The following PRKCQ variants were observed in gnomAD, a reference collection of about 807,000 sequenced individuals.
PRKCQ encodes protein kinase C theta.
In PRKCQ, 41 loss-of-function variants were observed where a neutral mutation model predicts 91.2. The ratio of observed to expected loss-of-function variants is 0.45; its 90% CI spans 0.35 to 0.58. The LOEUF (loss-of-function observed/expected upper bound fraction) is 0.58. Among genes scored for constraint, PRKCQ ranks in the 20% least tolerant of loss-of-function variants. PRKCQ has a pLI of 0.00. For synonymous variants in PRKCQ, 307 were observed against 316.9 expected (o/e 0.97, Z 0.33); for missense variants, 673 against 896.5 (o/e 0.75, Z 3.18).
At chr10:6,561,794 C>T (rs961985997) in intron 1 of PRKCQ, among the ~76,000 whole-genome samples, 11 of 152,056 alleles carry the variant, frequency 7.2e-5, no homozygotes, top group Non-Finnish European at 1.3e-4. Context: ...GTCGTCAGTA[C>T]GTATGTGTGT....
Position 6,579,855 on chromosome 10 carries a change from T to TTTTTTA in PRKCQ, c.-10+355_-10+356insTAAAAA, listed in dbSNP as rs1491546350. Among the ~76,000 whole-genome samples, 135 of 138,498 alleles carry TTTTTTA rather than the reference T, an allele frequency of 9.7e-4. 6 individuals carry two copies. The South Asian group carries it at 0.017, about 17-fold the overall frequency. 90.9% of individuals were successfully genotyped at this position (138,498 alleles called of 152,430 possible). ...CTCACGCATTTTTTTTTTTTTTTTTTACCAAGAATACAAAAACTTTCCACC... is the reference window on the plus strand; with the variant it reads ...CTCACGCATTTTTTTTTTTTTTTTTTTTTTTAACCAAGAATACAAAAACTTTCCACC... On this transcript the variant is annotated intron_variant, in intron 1 of 17. Coordinates refer to ENST00000263125, the MANE Select transcript of PRKCQ (RefSeq NM_006257.5).
chr10:6,448,284 G>A (rs1021865682), intron 15 of PRKCQ, among the ~76,000 whole-genome samples: 1 of 152,216 alleles, frequency 6.6e-6, no homozygotes, highest in Non-Finnish European at 1.5e-5. Flanking sequence ...ACAGGGAAGG[G>A]AACAGCAGGT....
intron 1 of PRKCQ, among the ~76,000 whole-genome samples, chr10:6,522,720 G>A (rs912756700): frequency 1.3e-5 from 2 of 152,204 alleles, no homozygotes; most frequent in African/African-American, 4.8e-5. Context: ...AGTGTTGGGG[G>A]AGAGTCTCAC....
chr10:6,438,217 G>A (rs1186269422), intron 16 of PRKCQ, among the ~76,000 whole-genome samples: 1 of 152,220 alleles, frequency 6.6e-6, no homozygotes, highest in Admixed American at 6.5e-5. Flanking sequence ...TCAAGATCTT[G>A]ATTTTCCAGG....
At chr10:6,507,660 C>T (rs762574748) in intron 3 of PRKCQ, among the ~76,000 whole-genome samples, 164 bp from the exon 4 acceptor site, 3 of 152,202 alleles carry the variant, frequency 2.0e-5, no homozygotes, top group Non-Finnish European at 2.9e-5. Flanking sequence ...CTGTAGCAAC[C>T]GTGACAATCG....
At chr10:6,566,002 G>C (rs1216707715) in intron 1 of PRKCQ, among the ~76,000 whole-genome samples, 1 of 152,144 alleles carries the variant, frequency 6.6e-6, no homozygotes, top group African/African-American at 2.4e-5. Flanking sequence ...CCCATTCTTA[G>C]AGGGAGATTT....
At chr10:6,513,755 T>C (rs1838611769) in intron 2 of PRKCQ, among the ~76,000 whole-genome samples, 3 of 152,178 alleles carry the variant, frequency 2.0e-5, no homozygotes, top group Admixed American at 2.0e-4. Context: ...AAAAGGCTTT[T>C]GGTGGGGGAT....
chr10:6,498,947 G>A (rs1837763571), intron 4 of PRKCQ, among the ~76,000 whole-genome samples: 1 of 152,176 alleles, frequency 6.6e-6, no homozygotes, highest in African/African-American at 2.4e-5. Context: ...AGTGGCAAAG[G>A]CTTTCCTGTC....
intron 2 of PRKCQ, among the ~76,000 whole-genome samples, chr10:6,513,908 A>T (rs1166075427): frequency 2.0e-5 from 3 of 152,024 alleles, no homozygotes; most frequent in Non-Finnish European, 2.9e-5. Context: ...ATAAAATAAC[A>T]CACATCCCTG....
chr10:6,404,881 TTTTC>T, the PRKCQ span, among the ~76,000 whole-genome samples: 6 of 149,256 alleles, frequency 4.0e-5, no homozygotes, highest in East Asian at 2.0e-4. Context: ...TTCTTTCCTT[TTTTC>T]TTTCTTTCTC....
chr10:6,442,025 G>A lies in PRKCQ; in HGVS notation c.1704C>T (p.Leu568=), dbSNP rs748413384. 1.2e-6 allele frequency: 2 copies of A among 1,614,104 alleles called. No homozygotes were observed. Among genetic ancestry groups the A allele is most frequent in the East Asian group, 4.5e-5 (2 of 44,866 alleles). Residue 568 remains leucine, a synonymous_variant, in exon 16 of 18, where the codon CTC becomes CTT. Transcript: ENST00000263125. ...ACTGACCAATCAGCATTTCATAAAGGAGAACCCCGAAGGACCACCAGTCCA... is the reference window on the plus strand; with the variant it reads ...ACTGACCAATCAGCATTTCATAAAGAAGAACCCCGAAGGACCACCAGTCCA... ...HSVDWWSFGV[L]LYEMLIGQSP... is the part of the protein sequence containing the mutation.
At chr10:6,468,039 T>C (rs150284409) in intron 12 of PRKCQ, among the ~76,000 whole-genome samples, 112 of 152,314 alleles carry the variant, frequency 7.4e-4, no homozygotes, top group African/African-American at 2.6e-3. Context: ...AGACCCTGTC[T>C]TAAAAAAAAT....
At chr10:6,515,423 T>G in intron 1 of PRKCQ, 1 of 985,414 alleles carries the variant, frequency 1.0e-6, no homozygotes, top group Non-Finnish European at 1.2e-6. Flanking sequence ...TTCAACCTAA[T>G]GGAGTTAGGC....
At chr10:6,396,561 C>A in the PRKCQ span, among the ~76,000 whole-genome samples, 2 of 152,212 alleles carry the variant, frequency 1.3e-5, no homozygotes, top group Admixed American at 6.5e-5. Context: ...CTTGCTTCTT[C>A]CAGTTAGCTT....
intron 15 of PRKCQ, among the ~76,000 whole-genome samples, chr10:6,456,138 T>G (rs1360152276): frequency 2.0e-5 from 3 of 152,134 alleles, no homozygotes; most frequent in East Asian, 1.9e-4. Context: ...CAGCAGTGTC[T>G]TCTTCTTATT....
downstream of PRKCQ, among the ~76,000 whole-genome samples, chr10:6,422,289 A>G (rs1230908794): frequency 1.3e-5 from 2 of 151,754 alleles, no homozygotes; most frequent in Non-Finnish European, 2.9e-5. Flanking sequence ...TATTGTCCTT[A>G]TTTTATTTTA....
chr10:6,467,335 CAG>C (rs1173010895), intron 12 of PRKCQ, among the ~76,000 whole-genome samples: 129 of 103,144 alleles, frequency 1.3e-3, no homozygotes, highest in Admixed American at 1.3e-3. Context: ...GAGAGACAGA[CAG>C]AGAGAGAGAG....
chr10:6,414,732 T>C, the PRKCQ span, among the ~76,000 whole-genome samples: 1 of 151,680 alleles, frequency 6.6e-6, no homozygotes, highest in Non-Finnish European at 1.5e-5. Flanking sequence ...ATGTAAAGAT[T>C]TGTACATCTG....
At chr10:6,472,176 T>C (rs1279090541) in intron 12 of PRKCQ, among the ~76,000 whole-genome samples, 5 of 152,014 alleles carry the variant, frequency 3.3e-5, no homozygotes, top group African/African-American at 9.6e-5. Context: ...GGCATGGTGG[T>C]GGGCGCCTGT....
Sources: allele counts gnomAD v4.1 joint callset (sites outside exome capture counted in the v4.1 genomes callset), GRCh38; gene constraint gnomAD v4.1.1; transcripts MANE v1.5; gene names NCBI Gene and HGNC (gene_info 2026-07-23, HGNC 2026-07-21).